Variants in FAM153A observed in about 807,000 individuals in gnomAD.
The protein encoded by FAM153A is protein FAM153A.
A neutral mutation model predicts 48.1 loss-of-function variants in FAM153A; 12 were observed. The ratio of observed to expected loss-of-function variants is 0.25; its 90% CI spans 0.16 to 0.40. FAM153A has a LOEUF of 0.40. Among genes scored for constraint, FAM153A ranks in the 10% least tolerant of loss-of-function variants. FAM153A has a pLI of 1.00. For synonymous variants in FAM153A, 36 were observed against 118.2 expected (o/e 0.30, Z 4.51); for missense variants, 111 against 345.8 (o/e 0.32, Z 5.38).
intron 1 of FAM153A, among the ~76,000 whole-genome samples, chr5:177,759,480 G>A (rs1245566481): frequency 1.3e-5 from 2 of 151,770 alleles, no homozygotes; most frequent in Non-Finnish European, 2.9e-5. Flanking sequence ...ATACCCAGAG[G>A]ATTATAAATC....
chr5:177,711,210 G>A (rs947665934), exon 27 of FAM153A: 3 of 151,796 alleles, frequency 2.0e-5, no homozygotes, highest in African/African-American at 7.3e-5. Flanking sequence ...AGACTGTACT[G>A]GAATTGAAAA....
upstream of FAM153A, among the ~76,000 whole-genome samples, chr5:177,754,822 C>A (rs1248065921): frequency 2.6e-5 from 4 of 151,842 alleles, no homozygotes; most frequent in Admixed American, 6.6e-5. Flanking sequence ...GACATCCACA[C>A]CAAAACCCCA....
downstream of FAM153A, among the ~76,000 whole-genome samples, chr5:177,703,136 A>G (rs1757594782): frequency 6.6e-6 from 1 of 152,182 alleles, no homozygotes; most frequent in South Asian, 2.1e-4. Flanking sequence ...CAGGTACTCA[A>G]AACCAGCCCT....
At chr5:177,752,613 T>C in intron 1 of FAM153A, among the ~76,000 whole-genome samples, 1 of 65,814 alleles carries the variant, frequency 1.5e-5, no homozygotes, top group African/African-American at 8.4e-5. Flanking sequence ...AGAATGAGAC[T>C]CTGCCAAAAA....
Position 177,761,002 on chromosome 5 carries a change from G to C in FAM153A, c.-56-12303C>G, listed in dbSNP as rs1414641380. On this transcript the variant is annotated intron_variant, in intron 1 of 8. Coordinates refer to the FAM153A transcript ENST00000393518. ...AAGACACAGAAAAGATAGCTTATTG[G>C]TCCTTGTTGATGTCTGGGGACTGCA... Among the ~76,000 whole-genome samples the C allele has an allele frequency of 1.2e-3, 177 of 150,830 alleles. 1 individual carries two copies. Among genetic ancestry groups the C allele is most frequent in the Admixed American group, 2.0e-3 (31 of 15,212 alleles).
At chr5:177,728,563 T>TG (rs1427771998) in intron 18 of FAM153A, among the ~76,000 whole-genome samples, 2 of 143,956 alleles carry the variant, frequency 1.4e-5, no homozygotes, top group African/African-American at 5.3e-5. Flanking sequence ...GTTTTTTTTT[T>TG]TGTTTGTTTT....
downstream of FAM153A, chr5:177,718,621 AAAAAT>A (rs1760341682): frequency 7.4e-6 from 1 of 134,940 alleles, no homozygotes; most frequent in Non-Finnish European, 1.7e-5. Flanking sequence ...AAAATTAAGA[AAAAAT>A]AAAACAGGCT....
Position 177,771,515 on chromosome 5 carries a change from A to G in FAM153A, c.-57+8934T>C, listed in dbSNP as rs1476725834. Among the ~76,000 whole-genome samples the G allele has an allele frequency of 4.2e-5, 4 of 95,640 alleles. 2 individuals are homozygous for G. Among genetic ancestry groups the G allele is most frequent in the Non-Finnish European group, 8.6e-5 (4 of 46,630 alleles). 62.7% of individuals were successfully genotyped at this position (95,640 alleles called of 152,430 possible). On this transcript the variant is annotated intron_variant, in intron 1 of 8. Coordinates refer to the FAM153A transcript ENST00000393518. ...TAAAATGAAATTTTAAAACAGCACCAAAAGTTAAGTTGGGGCTAAAACTGT... is the reference window on the plus strand; with the variant it reads ...TAAAATGAAATTTTAAAACAGCACCGAAAGTTAAGTTGGGGCTAAAACTGT...
intron 24 of FAM153A, among the ~76,000 whole-genome samples, chr5:177,717,009 GT>G (rs1759996774): frequency 7.0e-6 from 1 of 142,844 alleles, no homozygotes; most frequent in South Asian, 2.3e-4. Flanking sequence ...GTAGAGTCTG[GT>G]CTCAAACTTC....
chr5:177,734,725 A>C, intron 13 of FAM153A, 138 bp downstream of exon 15: 5 of 1,372,516 alleles, frequency 3.6e-6, no homozygotes, highest in Non-Finnish European at 5.0e-6. Flanking sequence ...GTGGGGACAG[A>C]CTCTCACTTA....
At chr5:177,719,436 G>GGGA (rs1760642248), downstream of FAM153A, among the ~76,000 whole-genome samples, 1 of 150,408 alleles carries the variant, frequency 6.6e-6, no homozygotes, top group Admixed American at 6.6e-5. Context: ...AAGGAAGAAA[G>GGGA]GGAGGAGAGA....
At chr5:177,709,257 C>CT (rs59687881), downstream of FAM153A, among the ~76,000 whole-genome samples, 6,000 of 116,286 alleles carry the variant, frequency 0.052, 443 homozygotes, top group African/African-American at 0.15. Flanking sequence ...AAAAAGGAAT[C>CT]TTTTTTTTTT....
At chr5:177,706,002 A>AT (rs1757851591), downstream of FAM153A, among the ~76,000 whole-genome samples, 1 of 151,764 alleles carries the variant, frequency 6.6e-6, no homozygotes, top group Admixed American at 6.6e-5. Context: ...TAAGAAAGAC[A>AT]TTTTGCATGC....
chr5:177,778,261 T>TAAAAAA (rs774084490), intron 1 of FAM153A, among the ~76,000 whole-genome samples: 112 of 20,008 alleles, frequency 5.6e-3, no homozygotes, highest in African/African-American at 6.9e-3. Flanking sequence ...TAGAGTATAA[T>TAAAAAA]AAAAAAAAAA....
At chr5:177,781,421 C>CTCACGA (rs1207975300), upstream of FAM153A, among the ~76,000 whole-genome samples, 4 of 61,670 alleles carry the variant, frequency 6.5e-5, no homozygotes, top group African/African-American at 2.4e-4. Flanking sequence ...GCGCCCAGCC[C>CTCACGA]TAAAATTTTT....
chr5:177,778,983 A>T lies in FAM153A; in HGVS notation c.-57+1466T>A. On this transcript the variant is annotated intron_variant, in intron 1 of 8. Coordinates refer to the FAM153A transcript ENST00000393518. ...AGCCTGGGCAACATAGAGAGAGCCC[A>T]TCTCTTATAATAATGATAATAAATT... Among the ~76,000 whole-genome samples the T allele has an allele frequency of 1.7e-5, 2 of 117,510 alleles. 1 individual carries two copies. The highest frequency in any genetic ancestry group is 3.6e-5 in the Non-Finnish European group (2 of 55,980). 77.1% of individuals were successfully genotyped at this position (117,510 alleles called of 152,430 possible).
intron 1 of FAM153A, among the ~76,000 whole-genome samples, chr5:177,768,030 T>C (rs1768843532): frequency 1.7e-5 from 1 of 60,320 alleles, no homozygotes; most frequent in Admixed American, 2.0e-4. Flanking sequence ...CCTACATCAG[T>C]TGTAGGTCTG....
At chr5:177,759,844 C>T (rs1395915166) in intron 1 of FAM153A, among the ~76,000 whole-genome samples, 1 of 151,700 alleles carries the variant, frequency 6.6e-6, no homozygotes, top group Non-Finnish European at 1.5e-5. Context: ...AGGAGATATA[C>T]TTAATGTTAA....
chr5:177,759,079 G>A (rs1768043795), intron 1 of FAM153A, among the ~76,000 whole-genome samples: 1 of 151,758 alleles, frequency 6.6e-6, no homozygotes, highest in Admixed American at 6.6e-5. Flanking sequence ...CTACTCACCT[G>A]ATAAAGGGCT....
Sources: gnomAD v4.1 joint callset for allele counts (sites outside exome capture counted in the v4.1 genomes callset) on GRCh38, gnomAD v4.1.1 for gene constraint, MANE v1.5 for transcripts, NCBI Gene and HGNC (gene_info 2026-07-23, HGNC 2026-07-21) for gene names.